Variants in LNPK observed in about 807,000 individuals in gnomAD.
LNPK encodes the protein lunapark, ER junction formation factor, also known as endoplasmic reticulum junction formation protein lunapark.
LNPK carries 29 observed loss-of-function variants against 55.2 expected under a neutral mutation model. The ratio of observed to expected loss-of-function variants is 0.53; its 90% CI spans 0.39 to 0.72. The LOEUF (loss-of-function observed/expected upper bound fraction) is 0.72, where lower values mean the gene tolerates loss of function less well. LNPK is among the 30% of genes least tolerant of loss of function. LNPK has a pLI of 0.00. For missense variants in LNPK, 467 were observed against 494.8 expected, an observed-to-expected ratio of 0.94 and a Z score of 0.53; for synonymous variants, 162 against 168.2, an observed-to-expected ratio of 0.96 and a Z score of 0.29.
At chr2:175,984,954 T>C (rs933581341) in intron 4 of LNPK, among the ~76,000 whole-genome samples, 1 of 152,174 alleles carries the variant, frequency 6.6e-6, no homozygotes, top group African/African-American at 2.4e-5. Flanking sequence ...CTGGAAACAA[T>C]GCAAATGCTC....
At chr2:175,968,827 T>G (rs1429980965) in intron 6 of LNPK, among the ~76,000 whole-genome samples, 1 of 152,130 alleles carries the variant, frequency 6.6e-6, no homozygotes, top group African/African-American at 2.4e-5. Flanking sequence ...GTGACCAGCA[T>G]GGCCAACATA....
At chr2:175,978,009 A>G (rs906708619) in intron 5 of LNPK, among the ~76,000 whole-genome samples, 1 of 152,188 alleles carries the variant, frequency 6.6e-6, no homozygotes, top group Non-Finnish European at 1.5e-5. Context: ...TTAGCCATAG[A>G]TGAGATCAAG....
In LNPK at chr2:175,978,831, T is replaced by G. The variant is rs368085273; in HGVS notation, c.316+979A>C. Among the ~76,000 whole-genome samples the G allele has an allele frequency of 2.0e-5, 3 of 152,268 alleles. No individual in the cohort carries two copies. The East Asian group carries it at 5.8e-4, about 29-fold the overall frequency. On this transcript the variant is annotated intron_variant, in intron 5 of 12. Coordinates refer to ENST00000272748, the MANE Select transcript of LNPK (RefSeq NM_030650.3). Reference sequence around the variant, plus strand: ...ATAATTGTATTTAAAGAGGGTAGGCTTTGACAGATAAGTAGGAAGAGAAGG... The same window carrying G: ...ATAATTGTATTTAAAGAGGGTAGGCGTTGACAGATAAGTAGGAAGAGAAGG...
intron 1 of LNPK, among the ~76,000 whole-genome samples, chr2:175,999,919 C>A (rs1688099361): frequency 6.6e-6 from 1 of 152,138 alleles, no homozygotes; most frequent in African/African-American, 2.4e-5. Context: ...GTGTATGCCA[C>A]CACTCCCGAC....
At position 175,929,036 on chromosome 2, in the gene LNPK, C is replaced by G. The variant is rs890309443; in HGVS notation, c.*931G>C. 1 of 752,008 alleles carries G rather than the reference C, an allele frequency of 1.3e-6. No homozygotes were observed. The highest frequency in any genetic ancestry group is 1.6e-6 in the Non-Finnish European group (1 of 616,676). The allele number at this position is 752,008 out of a possible 1,614,324, so 46.6% of individuals were successfully genotyped here. Reference sequence around the variant, plus strand: ...ATCTACAGATTTATTGTATTGTGAGCTATTCCTCCTAAGATTTTTCAGGTA... The same window carrying G: ...ATCTACAGATTTATTGTATTGTGAGGTATTCCTCCTAAGATTTTTCAGGTA... On this transcript the variant is annotated 3_prime_UTR_variant, in exon 13 of 13. Coordinates refer to ENST00000272748, the MANE Select transcript of LNPK (RefSeq NM_030650.3).
intron 4 of LNPK, among the ~76,000 whole-genome samples, chr2:175,986,509 T>C (rs1687420265): frequency 6.6e-6 from 1 of 152,134 alleles, no homozygotes. Flanking sequence ...GAAAATGTCA[T>C]AGTTTCAAAA....
At chr2:175,994,114 A>G (rs1194561399) in intron 2 of LNPK, 1 of 913,736 alleles carries the variant, frequency 1.1e-6, no homozygotes, top group Non-Finnish European at 1.3e-6. Flanking sequence ...CACTCATAAA[A>G]CACTTGAAAA....
chr2:175,980,280 G>A (rs1559065596), intron 4 of LNPK, among the ~76,000 whole-genome samples: 2 of 152,114 alleles, frequency 1.3e-5, no homozygotes, highest in Non-Finnish European at 2.9e-5. Flanking sequence ...TTTTACAAAT[G>A]TAAGAGCATT....
intron 8 of LNPK, 134 bp downstream of exon 8, chr2:175,964,238 C>T (rs147323768): frequency 8.0e-6 from 5 of 626,494 alleles, no homozygotes; most frequent in Non-Finnish European, 1.4e-5. Flanking sequence ...TAAGTCATAT[C>T]CCAAATTACC....
rs141571125 is a variant in LNPK, at chr2:175,993,539, G to T, written c.28-316C>A. 3.5e-4 allele frequency among the ~76,000 whole-genome samples: 53 copies of T among 152,198 alleles called. No homozygotes were observed. In the East Asian group the frequency reaches 0.01, roughly 29 times the overall value. ...CTAGAAAGAAACAAATTTTGGCCACGCACGGTGGCTCACGCCTGCACTTTG... is the reference window on the plus strand; with the variant it reads ...CTAGAAAGAAACAAATTTTGGCCACTCACGGTGGCTCACGCCTGCACTTTG... On this transcript the variant is annotated intron_variant, in intron 2 of 12. Coordinates refer to ENST00000272748, the MANE Select transcript of LNPK (RefSeq NM_030650.3).
intron 8 of LNPK, among the ~76,000 whole-genome samples, chr2:175,951,951 G>C (rs948009151): frequency 2.6e-5 from 4 of 151,558 alleles, no homozygotes; most frequent in African/African-American, 9.7e-5. Context: ...AGGTGGTATT[G>C]CATTTTGGTT....
At chr2:175,966,528 T>G (rs1686361569) in intron 6 of LNPK, among the ~76,000 whole-genome samples, 1 of 152,224 alleles carries the variant, frequency 6.6e-6, no homozygotes, top group Non-Finnish European at 1.5e-5. Context: ...ATGATTGCAT[T>G]CCTGGTAGAT....
Position 175,939,632 on chromosome 2 carries a change from T to G in LNPK, c.732A>C (p.Leu244Phe). 6.3e-7 allele frequency: 1 copy of G among 1,598,464 alleles called. No individual in the cohort carries two copies. The highest frequency in any genetic ancestry group is 8.6e-7 in the Non-Finnish European group (1 of 1,167,800). ...GTTCTCGGGGGAGAATAGGTCTTGC[T>G]AAAGGTGGACCTGGAGGATGAAGAC... Reference protein sequence around the residue: ...GMGLHPPGPPLARPILPRERG... With the variant: ...GMGLHPPGPPFARPILPRERG... The change falls in exon 10 of 13, where the codon TTA (leucine) becomes TTC (phenylalanine). Residue 244 changes from leucine to phenylalanine, a missense_variant. Physicochemically the swap from Leu to Phe is conservative, Grantham distance 22. Transcript: ENST00000272748.
At chr2:175,946,198 T>C (rs1301507352) in intron 9 of LNPK, among the ~76,000 whole-genome samples, 2 of 152,148 alleles carry the variant, frequency 1.3e-5, no homozygotes, top group Non-Finnish European at 2.9e-5. Context: ...TATTACTTTA[T>C]ATGTTGCTAA....
At chr2:175,969,703 T>C (rs1226528516) in intron 6 of LNPK, among the ~76,000 whole-genome samples, 1 of 152,208 alleles carries the variant, frequency 6.6e-6, no homozygotes, top group East Asian at 1.9e-4. Context: ...CACTTTGAAT[T>C]TCTGGCTGTT....
chr2:176,000,734 C>A (rs1298642170), intron 1 of LNPK, among the ~76,000 whole-genome samples: 1 of 152,096 alleles, frequency 6.6e-6, no homozygotes, highest in East Asian at 1.9e-4. Flanking sequence ...TTATACTATA[C>A]AATTGAAGAG....
chr2:175,938,635 T>C (rs1684666714), intron 10 of LNPK: 3 of 263,698 alleles, frequency 1.1e-5, no homozygotes, highest in Admixed American at 1.1e-4. Flanking sequence ...TAAATGAATA[T>C]ATCTTTATTA....
At chr2:175,999,706 C>G (rs1014714241) in intron 1 of LNPK, among the ~76,000 whole-genome samples, 1 of 152,170 alleles carries the variant, frequency 6.6e-6, no homozygotes, top group Non-Finnish European at 1.5e-5. Context: ...TCTTTCCACT[C>G]TGATCTGATA....
At chr2:175,993,076 T>C in intron 3 of LNPK, 106 bp downstream of exon 3, 2 of 678,980 alleles carry the variant, frequency 2.9e-6, no homozygotes, top group South Asian at 2.1e-5. Flanking sequence ...CTCTATATCA[T>C]TTCTAAATTC....
Sources: allele counts gnomAD v4.1 joint callset (sites outside exome capture counted in the v4.1 genomes callset), GRCh38; gene constraint gnomAD v4.1.1; transcripts MANE v1.5; gene names NCBI Gene and HGNC (gene_info 2026-07-23, HGNC 2026-07-21).